Variants in RORB observed in about 807,000 individuals in gnomAD.
RORB encodes nuclear receptor ROR-beta.
RORB carries 6 observed loss-of-function variants against 59.1 expected under a neutral mutation model. That is an observed-to-expected ratio of 0.10 (90% CI 0.06 to 0.20). The LOEUF (loss-of-function observed/expected upper bound fraction) is 0.20. Ranked by LOEUF, RORB falls within the 10% of genes least tolerant of loss-of-function variation. RORB has a pLI of 1.00. For missense variants in RORB, 320 were observed against 560.5 expected (o/e 0.57, Z 4.33); for synonymous variants, 215 against 204.5 (o/e 1.05, Z -0.44).
Position 74,660,175 on chromosome 9 carries a change from TA to T in RORB, c.638-435del, listed in dbSNP as rs535260786. Reference sequence around the variant, plus strand: ...TTAGTTTATTGTTTAATGCTTCCTTTAAAAAAATAAGCAAATAAATTTATAT... The same window carrying T: ...TTAGTTTATTGTTTAATGCTTCCTTTAAAAAATAAGCAAATAAATTTATAT... On this transcript the variant is annotated intron_variant, in intron 4 of 9. Coordinates refer to ENST00000376896, the MANE Select transcript of RORB (RefSeq NM_006914.4). Among the ~76,000 whole-genome samples the T allele has an allele frequency of 2.0e-3, 301 of 152,214 alleles. 2 individuals carry two copies. The highest frequency in any genetic ancestry group is 7.0e-3 in the African/African-American group (290 of 41,564).
chr9:74,571,749 T>G (rs1244596168), intron 1 of RORB, among the ~76,000 whole-genome samples: 1 of 152,194 alleles, frequency 6.6e-6, no homozygotes, highest in African/African-American at 2.4e-5. Flanking sequence ...CATGCTCCTA[T>G]AGTTTGACAA....
rs1465961490 is a variant in RORB, at chr9:74,685,728, C to T, written c.*110C>T. The stretch of plus-strand genomic sequence containing the variant: ...GTCACTACTGCAACATTAGGAATGT[C>T]CTGCACTTAATAGAATTATTTTTCA... On this transcript the variant is annotated 3_prime_UTR_variant, in exon 10 of 10. Coordinates refer to ENST00000376896, the MANE Select transcript of RORB (RefSeq NM_006914.4). 2 of 736,410 alleles carry T rather than the reference C, an allele frequency of 2.7e-6. No homozygotes were observed. The highest frequency in any genetic ancestry group is 4.1e-6 in the Non-Finnish European group (2 of 490,092). The allele number at this position is 736,410 out of a possible 1,614,324, so 45.6% of individuals were successfully genotyped here. A position where few individuals can be genotyped will look rare whatever the true frequency, so the allele number is the denominator to read the frequency against.
chr9:74,642,270 A>C, intron 3 of RORB, 144 bp from the exon 4 acceptor site: 1 of 795,368 alleles, frequency 1.3e-6, no homozygotes, highest in Non-Finnish European at 2.0e-6. Context: ...TGTGGAGTGC[A>C]AATGAATGGG....
At chr9:74,678,510 G>T (rs1824485799) in intron 9 of RORB, among the ~76,000 whole-genome samples, 1 of 152,122 alleles carries the variant, frequency 6.6e-6, no homozygotes, top group Non-Finnish European at 1.5e-5. Context: ...AAGCTTAAAA[G>T]ATAGAAGGCT....
intron 5 of RORB, among the ~76,000 whole-genome samples, chr9:74,660,986 T>A (rs773045046): frequency 3.3e-5 from 5 of 152,176 alleles, no homozygotes; most frequent in Non-Finnish European, 7.4e-5. Context: ...CTACCCTGAT[T>A]GAAAAACCAC....
intron 1 of RORB, among the ~76,000 whole-genome samples, chr9:74,591,954 G>C (rs984042468): frequency 6.6e-6 from 1 of 152,048 alleles, no homozygotes; most frequent in African/African-American, 2.4e-5. Flanking sequence ...GAGAGAGAGA[G>C]AGACAGAGAG....
At chr9:74,660,325 TA>T (rs1392839382) in intron 4 of RORB, among the ~76,000 whole-genome samples, 3 of 152,142 alleles carry the variant, frequency 2.0e-5, no homozygotes, top group Non-Finnish European at 4.4e-5. Context: ...AGAAATATAA[TA>T]ATTTTATATC....
chr9:74,681,712 A>C (rs1160121509), intron 9 of RORB, among the ~76,000 whole-genome samples: 1 of 152,174 alleles, frequency 6.6e-6, no homozygotes, highest in Non-Finnish European at 1.5e-5. Flanking sequence ...AAATATTTCC[A>C]GGGCAAATGA....
chr9:74,681,038 CT>C, intron 9 of RORB, among the ~76,000 whole-genome samples: 1 of 152,240 alleles, frequency 6.6e-6, no homozygotes, highest in East Asian at 1.9e-4. Flanking sequence ...ATAAGAAATG[CT>C]TGTCATAAGA....
At chr9:74,678,973 A>T (rs12236026) in intron 9 of RORB, among the ~76,000 whole-genome samples, 1 of 150,556 alleles carries the variant, frequency 6.6e-6, no homozygotes, top group African/African-American at 2.4e-5. Flanking sequence ...CGGAGATGGC[A>T]GTGAGCTGAG....
intron 1 of RORB, among the ~76,000 whole-genome samples, chr9:74,617,515 G>T (rs1194104170): frequency 6.6e-6 from 1 of 152,146 alleles, no homozygotes. Flanking sequence ...GATCTGATGC[G>T]CTCAAATATA....
At chr9:74,568,035 T>C (rs1165007195) in intron 1 of RORB, among the ~76,000 whole-genome samples, 1 of 152,238 alleles carries the variant, frequency 6.6e-6, no homozygotes, top group Admixed American at 6.5e-5. Flanking sequence ...CAAATTATCC[T>C]GGTTAATAAT....
intron 1 of RORB, among the ~76,000 whole-genome samples, chr9:74,533,621 G>A (rs1826279055): frequency 6.6e-6 from 1 of 152,068 alleles, no homozygotes; most frequent in South Asian, 2.1e-4. Flanking sequence ...ATCTGGTTGG[G>A]CCTGGTCAAG....
chr9:74,668,869 G>A (rs1824307556), intron 8 of RORB, among the ~76,000 whole-genome samples: 1 of 152,132 alleles, frequency 6.6e-6, no homozygotes, highest in South Asian at 2.1e-4. Context: ...CCTGTATCAG[G>A]AGTTTTTAAA....
At chr9:74,609,193 C>T (rs1823195008) in intron 1 of RORB, among the ~76,000 whole-genome samples, 1 of 152,170 alleles carries the variant, frequency 6.6e-6, no homozygotes, top group African/African-American at 2.4e-5. Context: ...ATTCTCGTAA[C>T]AAATACGCAA....
At chr9:74,558,555 A>T (rs964563238) in intron 1 of RORB, among the ~76,000 whole-genome samples, 3 of 152,232 alleles carry the variant, frequency 2.0e-5, no homozygotes, top group Admixed American at 6.5e-5. Flanking sequence ...ACTCATATTT[A>T]TTGAACACCC....
At chr9:74,685,269 C>CG (rs1416763567) in intron 9 of RORB, among the ~76,000 whole-genome samples, 194 bp from the exon 10 acceptor site, 10 of 7,616 alleles carry the variant, frequency 1.3e-3, no homozygotes, top group South Asian at 4.2e-3. Flanking sequence ...AGATGGTGTC[C>CG]GGGGGGGCGG....
At chr9:74,555,999 G>A (rs1172363311) in intron 1 of RORB, among the ~76,000 whole-genome samples, 1 of 152,076 alleles carries the variant, frequency 6.6e-6, no homozygotes, top group Non-Finnish European at 1.5e-5. Flanking sequence ...AATATCGATG[G>A]TTCTTTATTT....
chr9:74,587,872 G>A (rs1419618485), intron 1 of RORB, among the ~76,000 whole-genome samples: 4 of 152,130 alleles, frequency 2.6e-5, no homozygotes, highest in East Asian at 3.9e-4. Flanking sequence ...AGGCACTACC[G>A]GAAAGTGTGG....
Sources: gnomAD v4.1 joint callset for allele counts (sites outside exome capture counted in the v4.1 genomes callset) on GRCh38, gnomAD v4.1.1 for gene constraint, MANE v1.5 for transcripts, NCBI Gene and HGNC (gene_info 2026-07-23, HGNC 2026-07-21) for gene names.